Variants in TIPIN observed in about 807,000 individuals in gnomAD.
TIPIN encodes TIMELESS interacting protein.
TIPIN carries 29 observed loss-of-function variants against 35.6 expected under a neutral mutation model. The ratio of observed to expected loss-of-function variants is 0.82; its 90% CI spans 0.61 to 1.11. The LOEUF is 1.11. TIPIN is among the 50% of genes most tolerant of loss of function. The pLI is 0.00. For missense variants in TIPIN, 296 were observed against 345.4 expected, an observed-to-expected ratio of 0.86 and a Z score of 1.13; for synonymous variants, 102 against 121.5, an observed-to-expected ratio of 0.84 and a Z score of 1.06.
chr15:66,356,695 T>G (rs764882549), upstream of TIPIN: 62 of 985,350 alleles, frequency 6.3e-5, no homozygotes, highest in Non-Finnish European at 6.7e-5. Context: ...TAAGCGCGCT[T>G]CTCGCGATAC....
chr15:66,382,940 C>G (rs576816858), intron 1 of TIPIN: 2 of 985,314 alleles, frequency 2.0e-6, no homozygotes, highest in South Asian at 4.7e-5. Flanking sequence ...GGATCACTGC[C>G]GGTCTGAAAA....
chr15:66,371,137 G>A, intron 1 of TIPIN: 1 of 691,458 alleles, frequency 1.4e-6, no homozygotes, highest in Non-Finnish European at 1.8e-6. Flanking sequence ...CTTGAGCCCA[G>A]GAGGCAGAGG....
At chr15:66,352,767 C>T in intron 2 of TIPIN, 48 bp downstream of exon 2, 3 of 1,538,584 alleles carry the variant, frequency 1.9e-6, no homozygotes, top group Non-Finnish European at 2.6e-6. Context: ...AGGCATGAGC[C>T]ACCGTGCCTG....
chr15:66,369,206 TATC>T (rs776958327), intron 1 of TIPIN, among the ~76,000 whole-genome samples: 21 of 152,200 alleles, frequency 1.4e-4, no homozygotes, highest in Non-Finnish European at 2.9e-5. Context: ...ACAACAATGT[TATC>T]ATTATAATAA....
At position 66,349,963 on chromosome 15, in the gene TIPIN, G is replaced by T. The variant is rs373675629; in HGVS notation, c.289-526C>A. On this transcript the variant is annotated intron_variant, in intron 4 of 7. Transcript: ENST00000261881. ...TACAGGGGTTTTTTTTGTTTTTTTG[G>T]TTTTTTTGGTTTTTTTCAGAGAGAT... Among the ~76,000 whole-genome samples, 192 of 151,604 alleles carry T rather than the reference G, an allele frequency of 1.3e-3. 1 individual carries two copies. The highest frequency in any genetic ancestry group is 4.3e-3 in the African/African-American group (178 of 41,376).
At chr15:66,385,190 CTT>C (rs1243482212) in intron 1 of TIPIN, among the ~76,000 whole-genome samples, 1 of 152,220 alleles carries the variant, frequency 6.6e-6, no homozygotes, top group Non-Finnish European at 1.5e-5. Flanking sequence ...ACGGCTAAGA[CTT>C]TGTGTAGGAC....
rs2093151657 is a variant in TIPIN, at chr15:66,349,390, A to G, written c.336T>C (p.His112=). ...MLIRHMEHWA[H]RLFPKLQFED... ...CAAACTGCAGTTTAGGGAATAGCCT[A>G]TGTGCCCAGTGCTCCATGTGTCTGA... is the stretch of plus-strand genomic sequence containing the variant. The change falls in exon 5 of 8, where the codon CAT becomes CAC. Residue 112 remains histidine (H), a synonymous_variant. Coordinates refer to ENST00000261881, the MANE Select transcript of TIPIN (RefSeq NM_017858.3). 1.2e-6 allele frequency: 2 copies of G among 1,613,974 alleles called. No individual in the cohort carries two copies. The highest frequency in any genetic ancestry group is 1.3e-5 in the African/African-American group (1 of 74,926).
intron 1 of TIPIN, among the ~76,000 whole-genome samples, chr15:66,378,781 G>T (rs187314263): frequency 1.0e-3 from 151 of 150,700 alleles, no homozygotes; most frequent in African/African-American, 3.2e-3. Flanking sequence ...CTATTGTCCA[G>T]GCTAGAGTGC....
At chr15:66,367,274 A>T (rs368439145) in intron 1 of TIPIN, among the ~76,000 whole-genome samples, 1 of 144,316 alleles carries the variant, frequency 6.9e-6, no homozygotes, top group East Asian at 2.0e-4. Context: ...ATATCTATAG[A>T]TATATATCTG....
chr15:66,372,502 C>G (rs1432356258), intron 1 of TIPIN, among the ~76,000 whole-genome samples: 1 of 152,162 alleles, frequency 6.6e-6, no homozygotes, highest in Non-Finnish European at 1.5e-5. Flanking sequence ...ACAAATAATG[C>G]TGCCATAAAC....
chr15:66,384,084 C>T (rs981949523), intron 1 of TIPIN, among the ~76,000 whole-genome samples: 3 of 151,646 alleles, frequency 2.0e-5, no homozygotes, highest in African/African-American at 4.9e-5. Context: ...GCAAGCTCCA[C>T]CTCCCGGGTT....
At chr15:66,348,966 A>C (rs2140457387) in intron 6 of TIPIN, 94 bp downstream of exon 6, 430 of 848,722 alleles carry the variant, frequency 5.1e-4, no homozygotes, top group Middle Eastern at 1.1e-3. Context: ...CAAAAAAGCA[A>C]AGCGCTGGGA....
At chr15:66,346,886 G>C (rs1262199008) in intron 6 of TIPIN, among the ~76,000 whole-genome samples, 3 of 151,816 alleles carry the variant, frequency 2.0e-5, no homozygotes, top group African/African-American at 7.3e-5. Flanking sequence ...CCACCTCCTA[G>C]GTTCACACCA....
rs1367203204 is a variant in TIPIN, at chr15:66,353,066, A to G, written c.-8-111T>C. 2.9e-6 allele frequency: 3 copies of G among 1,026,860 alleles called. No individual in the cohort carries two copies. In the African/African-American group the frequency reaches 4.8e-5, roughly 16 times the overall value. 63.6% of individuals were successfully genotyped at this position (1,026,860 alleles called of 1,614,324 possible). ...TTTCAATCAGTTAGACCACATTTCA[A>G]ACTCACACATCATGAAAAGTAGAGA... is the stretch of plus-strand genomic sequence containing the variant. On this transcript the variant is annotated intron_variant, in intron 1 of 7. Transcript: ENST00000261881.
intron 1 of TIPIN, among the ~76,000 whole-genome samples, chr15:66,367,187 A>ATCTATATCTATATCTATATCTATATCTAT (rs151011048): frequency 1.5e-5 from 2 of 130,928 alleles, no homozygotes; most frequent in African/African-American, 2.6e-5. Flanking sequence ...CTCAAAAAAA[A>ATCTATATCTATATCTATATCTATATCTAT]ATCTATATCT....
At chr15:66,355,525 G>A (rs1390634059) in intron 1 of TIPIN, among the ~76,000 whole-genome samples, 6 of 151,766 alleles carry the variant, frequency 4.0e-5, no homozygotes, top group Non-Finnish European at 7.4e-5. Flanking sequence ...AGAGGCGGAC[G>A]GATCATGAGG....
chr15:66,379,476 T>C, intron 1 of TIPIN: 1 of 1,608,380 alleles, frequency 6.2e-7, no homozygotes, highest in South Asian at 1.1e-5. Context: ...GTCATTTCCT[T>C]CAAAGATTAA....
intron 1 of TIPIN, among the ~76,000 whole-genome samples, chr15:66,367,971 C>T (rs1291932892): frequency 1.3e-5 from 2 of 151,210 alleles, no homozygotes; most frequent in African/African-American, 4.9e-5. Context: ...GTAGCTGGGA[C>T]TACAGGTGCG....
At position 66,364,317 on chromosome 15, in the gene TIPIN, C is replaced by T. The variant is rs562999134; in HGVS notation, c.-8-11362G>A. Among the ~76,000 whole-genome samples the T allele has an allele frequency of 2.8e-3, 424 of 151,770 alleles. 4 individuals are homozygous for T. The highest frequency in any genetic ancestry group is 9.9e-3 in the African/African-American group (412 of 41,410). ...AGGAGCTGGGATTACAGATGGGCGCCGCCATGCCCAGCTAATTTTTGTATT... is the reference window on the plus strand; with the variant it reads ...AGGAGCTGGGATTACAGATGGGCGCTGCCATGCCCAGCTAATTTTTGTATT... On this transcript the variant is annotated intron_variant, in intron 1 of 7. Transcript: ENST00000562124.
Sources: gnomAD v4.1 joint callset for allele counts (sites outside exome capture counted in the v4.1 genomes callset) on GRCh38, gnomAD v4.1.1 for gene constraint, MANE v1.5 for transcripts, NCBI Gene and HGNC (gene_info 2026-07-23, HGNC 2026-07-21) for gene names.